Variants in DISP1 observed in about 807,000 individuals in gnomAD.
The protein encoded by DISP1 is protein dispatched homolog 1.
DISP1 carries 30 observed loss-of-function variants against 37.3 expected under a neutral mutation model. The observed-to-expected ratio is 0.80, with a 90% CI of 0.60 to 1.09. The LOEUF is 1.09. Ranked by LOEUF, DISP1 falls within the 50% of genes least tolerant of loss-of-function variation. The probability of loss-of-function intolerance (pLI) is 0.00; values close to 1 mark genes in which losing one functional copy is unlikely to be tolerated. For synonymous variants in DISP1, 634 were observed against 690.2 expected (o/e 0.92, Z 1.28); for missense variants, 1,598 against 1,879.5 (o/e 0.85, Z 2.77).
intron 1 of DISP1, among the ~76,000 whole-genome samples, chr1:222,834,553 A>G (rs2125258018): frequency 6.6e-6 from 1 of 152,362 alleles, no homozygotes; most frequent in East Asian, 1.9e-4. Flanking sequence ...CTATTAAGAC[A>G]TTCTGTCACA....
chr1:222,933,831 A>G (rs932712522), intron 2 of DISP1, among the ~76,000 whole-genome samples: 1 of 152,000 alleles, frequency 6.6e-6, no homozygotes, highest in African/African-American at 2.4e-5. Flanking sequence ...ATTTAAGACC[A>G]TCCTTTCTAG....
intron 3 of DISP1, among the ~76,000 whole-genome samples, chr1:222,971,661 T>C (rs529242388): frequency 6.6e-6 from 1 of 152,264 alleles, no homozygotes; most frequent in East Asian, 1.9e-4. Flanking sequence ...TATGATTGTA[T>C]TTATACTTTT....
intron 1 of DISP1, among the ~76,000 whole-genome samples, chr1:222,862,097 A>G (rs527486995): frequency 6.6e-6 from 1 of 152,162 alleles, no homozygotes; most frequent in Non-Finnish European, 1.5e-5. Flanking sequence ...CTCCTTGTCC[A>G]TTGTCTGGCA....
intron 1 of DISP1, among the ~76,000 whole-genome samples, chr1:222,826,092 A>T (rs1016755079): frequency 1.3e-5 from 2 of 152,080 alleles, no homozygotes. Context: ...TTGTAGAGAC[A>T]GAGGTCTCGT....
intron 3 of DISP1, 56 bp downstream of exon 3, chr1:222,943,388 C>G (rs1674528277): frequency 1.2e-6 from 2 of 1,607,562 alleles, no homozygotes; most frequent in East Asian, 4.5e-5. Context: ...GTGAACATGA[C>G]AGCTTGTGTT....
chr1:222,955,965 G>A (rs967179040), intron 3 of DISP1, among the ~76,000 whole-genome samples: 3 of 152,204 alleles, frequency 2.0e-5, no homozygotes, highest in Non-Finnish European at 4.4e-5. Flanking sequence ...AATGGTACAG[G>A]GTTGTAATAG....
chr1:222,861,105 C>G (rs1191051782), intron 1 of DISP1, among the ~76,000 whole-genome samples: 2 of 152,162 alleles, frequency 1.3e-5, no homozygotes, highest in Admixed American at 6.5e-5. Context: ...GGTATCTTCT[C>G]TTTAGGATGG....
chr1:222,958,663 C>G (rs189149891), intron 3 of DISP1, among the ~76,000 whole-genome samples: 3 of 152,164 alleles, frequency 2.0e-5, no homozygotes, highest in Admixed American at 2.0e-4. Context: ...TTTGGTTAAA[C>G]TAAGAGATTC....
At chr1:222,978,303 G>A (rs1048651148) in intron 3 of DISP1, among the ~76,000 whole-genome samples, 5 of 151,990 alleles carry the variant, frequency 3.3e-5, no homozygotes, top group African/African-American at 1.2e-4. Context: ...TGTGTTTTTT[G>A]GCTGCATAAA....
chr1:222,993,526 C>T (rs1288304038), intron 7 of DISP1, among the ~76,000 whole-genome samples: 4 of 152,110 alleles, frequency 2.6e-5, no homozygotes, highest in African/African-American at 4.8e-5. Context: ...TACCAAGTCT[C>T]AGGGTCTTTA....
intron 3 of DISP1, among the ~76,000 whole-genome samples, chr1:222,978,970 G>A (rs111644907): frequency 6.6e-6 from 1 of 152,044 alleles, no homozygotes; most frequent in Non-Finnish European, 1.5e-5. Context: ...CTCCAGCTTT[G>A]TTCTTTTGGC....
At chr1:222,933,154 C>T (rs947635560) in intron 2 of DISP1, among the ~76,000 whole-genome samples, 5 of 151,916 alleles carry the variant, frequency 3.3e-5, no homozygotes, top group Admixed American at 2.0e-4. Context: ...AGATATACTG[C>T]AATATCGTTA....
chr1:222,847,550 A>G (rs1328970718), intron 1 of DISP1, among the ~76,000 whole-genome samples: 1 of 152,228 alleles, frequency 6.6e-6, no homozygotes, highest in African/African-American at 2.4e-5. Flanking sequence ...ATCTTTATAA[A>G]TAACTATAAG....
At position 223,003,990 on chromosome 1, in the gene DISP1, T is replaced by C; in HGVS notation, c.2593T>C (p.Cys865Arg). Reference protein sequence around the residue: ...TFKQWMENQDCDEPALYPCCS... With the variant: ...TFKQWMENQDRDEPALYPCCS... ...CAAACAGTGGATGGAAAACCAGGAC[T>C]GTGATGAGCCTGCCCTGTACCCATG... is the stretch of plus-strand genomic sequence containing the variant. Residue 865 changes from cysteine to arginine, a missense_variant, in exon 9 of 9, where the codon TGT becomes CGT. By Grantham distance (180) the Cys-to-Arg change is radical (BLOSUM62 -3). Transcript: ENST00000675850. This position sits in a 1 kb window ranked among gnomAD's most constrained non-coding sequence, Gnocchi z 4.3. 1 of 1,614,182 alleles carries C rather than the reference T, an allele frequency of 6.2e-7. No homozygotes were observed. The highest frequency in any genetic ancestry group is 8.5e-7 in the Non-Finnish European group (1 of 1,180,046).
chr1:222,985,459 G>A (rs1176927745), intron 4 of DISP1, among the ~76,000 whole-genome samples: 1 of 152,186 alleles, frequency 6.6e-6, no homozygotes, highest in Non-Finnish European at 1.5e-5. Context: ...AGACCAGCCT[G>A]GCCAACATGG....
chr1:222,916,893 G>A (rs1010761502), intron 1 of DISP1, among the ~76,000 whole-genome samples: 15 of 152,146 alleles, frequency 9.9e-5, no homozygotes, highest in African/African-American at 3.6e-4. Context: ...ACCATTGGAG[G>A]TTATAAGAGT....
At chr1:222,990,546 C>T (rs187816443) in intron 4 of DISP1, 79 bp from the exon 5 acceptor site, 18 of 1,609,094 alleles carry the variant, frequency 1.1e-5, no homozygotes, top group African/African-American at 9.3e-5. Context: ...AATATTTCTG[C>T]GAAGGGCCTT....
intron 1 of DISP1, among the ~76,000 whole-genome samples, chr1:222,869,445 G>A (rs1214900502): frequency 6.6e-6 from 1 of 152,106 alleles, no homozygotes; most frequent in Non-Finnish European, 1.5e-5. Context: ...AGGTGTGTGT[G>A]TTATAGTCAA....
At chr1:222,963,983 G>A (rs2789929) in intron 3 of DISP1, among the ~76,000 whole-genome samples, 42,003 of 151,784 alleles carry the variant, frequency 0.28, 5,978 homozygotes, top group South Asian at 0.34. Context: ...TCTCTTTCAG[G>A]TCCTCTGCCT....
Sources: allele counts gnomAD v4.1 joint callset (sites outside exome capture counted in the v4.1 genomes callset), GRCh38; gene constraint gnomAD v4.1.1; non-coding constraint Gnocchi (gnomAD v3.1); transcripts MANE v1.5; gene names NCBI Gene and HGNC (gene_info 2026-07-23, HGNC 2026-07-21).